Variants in CDK19 observed in about 807,000 individuals in gnomAD.
The protein encoded by CDK19 is cyclin-dependent kinase 19.
Under a neutral mutation model 68.3 loss-of-function variants are expected in CDK19, and 20 were observed. That is an observed-to-expected ratio of 0.29 (90% confidence interval 0.21 to 0.43). The LOEUF (loss-of-function observed/expected upper bound fraction) is 0.43, where lower values mean the gene tolerates loss of function less well. CDK19 is among the 20% of genes least tolerant of loss of function. CDK19 has a pLI of 1.00. For missense variants in CDK19, 339 were observed against 623.5 expected, an observed-to-expected ratio of 0.54 and a Z score of 4.86; for synonymous variants, 221 against 222.8, an observed-to-expected ratio of 0.99 and a Z score of 0.07.
At chr6:110,630,163 G>A (rs1265782688) in intron 6 of CDK19, among the ~76,000 whole-genome samples, 1 of 152,232 alleles carries the variant, frequency 6.6e-6, no homozygotes, top group African/African-American at 2.4e-5. Flanking sequence ...CTGAGAGTGG[G>A]ACAGACATTG....
At chr6:110,646,960 A>C (rs1780634196) in intron 4 of CDK19, among the ~76,000 whole-genome samples, 1 of 151,760 alleles carries the variant, frequency 6.6e-6, no homozygotes, top group Non-Finnish European at 1.5e-5. Context: ...GGATCCTGAA[A>C]TCCTCGTGGC....
intron 5 of CDK19, among the ~76,000 whole-genome samples, chr6:110,634,385 T>C (rs1454796620): frequency 1.3e-5 from 2 of 152,124 alleles, no homozygotes; most frequent in Non-Finnish European, 1.5e-5. Context: ...GCCTGGCTAA[T>C]TTTTGTATTT....
chr6:110,755,878 T>G (rs1412830183), intron 1 of CDK19, among the ~76,000 whole-genome samples: 1 of 151,922 alleles, frequency 6.6e-6, no homozygotes, highest in Non-Finnish European at 1.5e-5. Context: ...ATGTAGAAGT[T>G]TGAGGAGGGT....
chr6:110,693,170 T>C (rs961769948), intron 2 of CDK19, among the ~76,000 whole-genome samples: 1 of 152,166 alleles, frequency 6.6e-6, no homozygotes, highest in Non-Finnish European at 1.5e-5. Flanking sequence ...CCGTGAACTT[T>C]TGCTCCAAGA....
chr6:110,765,495 C>T (rs1779518606), intron 1 of CDK19, among the ~76,000 whole-genome samples: 1 of 151,998 alleles, frequency 6.6e-6, no homozygotes, highest in African/African-American at 2.4e-5. Context: ...TGCCCAACAA[C>T]ATGGTGAAAC....
At chr6:110,616,310 C>G (rs1276185793) in intron 12 of CDK19, among the ~76,000 whole-genome samples, 1 of 152,118 alleles carries the variant, frequency 6.6e-6, no homozygotes, top group Non-Finnish European at 1.5e-5. Context: ...TGCTCAAAGG[C>G]TGCCAAACGA....
chr6:110,693,538 G>C (rs1773212267), intron 2 of CDK19, among the ~76,000 whole-genome samples: 1 of 152,234 alleles, frequency 6.6e-6, no homozygotes, highest in African/African-American at 2.4e-5. Flanking sequence ...TGGCTGCCTG[G>C]ATATAAACTT....
chr6:110,648,190 T>C (rs1780729643), intron 4 of CDK19, among the ~76,000 whole-genome samples: 2 of 152,150 alleles, frequency 1.3e-5, no homozygotes, highest in African/African-American at 4.8e-5. Flanking sequence ...AAAATCAACA[T>C]TGTAATATAA....
intron 2 of CDK19, among the ~76,000 whole-genome samples, chr6:110,689,041 G>A (rs1022239066): frequency 9.9e-5 from 15 of 152,166 alleles, no homozygotes; most frequent in Non-Finnish European, 1.9e-4. Context: ...TACACAGCCT[G>A]AACTTAGCTC....
chr6:110,729,327 A>C (rs1776574559), intron 2 of CDK19, among the ~76,000 whole-genome samples: 1 of 152,236 alleles, frequency 6.6e-6, no homozygotes, highest in Non-Finnish European at 1.5e-5. Flanking sequence ...AGGTTACTGA[A>C]AAAAACTGTG....
chr6:110,625,069 A>G (rs1779001908), intron 8 of CDK19, among the ~76,000 whole-genome samples: 1 of 152,188 alleles, frequency 6.6e-6, no homozygotes, highest in African/African-American at 2.4e-5. Context: ...CACAGGATAA[A>G]TTCCAGGAAT....
intron 1 of CDK19, among the ~76,000 whole-genome samples, chr6:110,771,326 C>A (rs1583063981): frequency 1.3e-5 from 2 of 152,218 alleles, no homozygotes; most frequent in African/African-American, 4.8e-5. Flanking sequence ...GACTTCTGTG[C>A]ACCCACAGGC....
intron 4 of CDK19, chr6:110,646,162 G>A (rs1372954366): frequency 4.8e-6 from 5 of 1,052,560 alleles, no homozygotes; most frequent in Admixed American, 2.1e-5. Flanking sequence ...AGCACGCAGC[G>A]CGCCACCGGC....
At chr6:110,629,537 T>A (rs1779308112) in intron 6 of CDK19, among the ~76,000 whole-genome samples, 2 of 152,132 alleles carry the variant, frequency 1.3e-5, no homozygotes, top group Non-Finnish European at 2.9e-5. Context: ...GTATTTTTGG[T>A]AGAGACGGGG....
intron 1 of CDK19, among the ~76,000 whole-genome samples, chr6:110,790,559 A>C (rs1781519450): frequency 6.6e-6 from 1 of 152,026 alleles, no homozygotes; most frequent in South Asian, 2.1e-4. Context: ...TAAAATAAAA[A>C]ATAAATTATA....
intron 4 of CDK19, among the ~76,000 whole-genome samples, chr6:110,645,409 AC>A (rs1440558602): frequency 1.3e-5 from 2 of 152,360 alleles, no homozygotes; most frequent in East Asian, 3.9e-4. Context: ...GACATCTAAT[AC>A]AGTACTTACA....
intron 1 of CDK19, among the ~76,000 whole-genome samples, chr6:110,748,787 C>A (rs1275939672): frequency 6.6e-6 from 1 of 152,206 alleles, no homozygotes; most frequent in African/African-American, 2.4e-5. Context: ...CGTGAGTGCC[C>A]CTCTCCAGGA....
intron 5 of CDK19, among the ~76,000 whole-genome samples, chr6:110,635,738 C>G (rs1029724517): frequency 5.3e-5 from 8 of 152,180 alleles, no homozygotes; most frequent in Non-Finnish European, 1.2e-4. Flanking sequence ...CGGGGTTTCA[C>G]CATGTTGGCC....
intron 2 of CDK19, 42 bp from the exon 3 acceptor site, chr6:110,670,583 A>C: frequency 8.8e-7 from 1 of 1,136,392 alleles, no homozygotes; most frequent in Non-Finnish European, 1.3e-6. Flanking sequence ...TGTGTTAGCA[A>C]GGAGGGGGAA....
Sources: allele counts gnomAD v4.1 joint callset (sites outside exome capture counted in the v4.1 genomes callset), GRCh38; gene constraint gnomAD v4.1.1; transcripts MANE v1.5; gene names NCBI Gene and HGNC (gene_info 2026-07-23, HGNC 2026-07-21).